RAD54B: variants seen among roughly 807,000 people sequenced by gnomAD.
The protein encoded by RAD54B is RAD54 homolog B.
In RAD54B, 78 loss-of-function variants were observed where a neutral mutation model predicts 95.8. The observed-to-expected ratio is 0.81, with a 90% CI of 0.68 to 0.98. The LOEUF is 0.98. RAD54B is among the 50% of genes least tolerant of loss of function. The probability of loss-of-function intolerance (pLI) is 0.00; values close to 1 mark genes in which losing one functional copy is unlikely to be tolerated. For synonymous variants in RAD54B, 328 were observed against 354.9 expected (o/e 0.92, Z 0.85); for missense variants, 957 against 1,056.6 (o/e 0.91, Z 1.31).
chr8:94,459,277 C>T (rs1441935398), intron 2 of RAD54B, among the ~76,000 whole-genome samples: 2 of 151,684 alleles, frequency 1.3e-5, no homozygotes, highest in East Asian at 3.9e-4. Context: ...CTCAGCCTCC[C>T]TAGTAGCTGG....
intron 3 of RAD54B, among the ~76,000 whole-genome samples, chr8:94,418,344 T>C (rs1412779380): frequency 2.0e-5 from 3 of 152,210 alleles, no homozygotes; most frequent in African/African-American, 4.8e-5. Context: ...TGACAAATTT[T>C]TCTCCACGAA....
At chr8:94,436,582 T>C (rs1412175168) in intron 3 of RAD54B, 12 of 1,550,404 alleles carry the variant, frequency 7.7e-6, no homozygotes, top group East Asian at 4.9e-5. Flanking sequence ...CTCAGAAATA[T>C]TGCTTTTAAA....
At chr8:94,461,866 C>T (rs1329836239) in intron 2 of RAD54B, among the ~76,000 whole-genome samples, 1 of 152,150 alleles carries the variant, frequency 6.6e-6, no homozygotes, top group African/African-American at 2.4e-5. Context: ...GATTATTTAA[C>T]ACTGGTATAA....
Position 94,383,140 on chromosome 8 carries a change from T to TA in RAD54B, c.1986-2735dup, listed in dbSNP as rs1029664775. Among the ~76,000 whole-genome samples, 16 of 151,048 alleles carry TA rather than the reference T, an allele frequency of 1.1e-4. No individual in the cohort carries two copies. In the East Asian group the frequency reaches 2.5e-3, roughly 24 times the overall value. ...GGTGAAACTCCATCTCTACTAAAAATAAAAAAAATTAGCATCCCCCTGTAA... is the reference window on the plus strand; with the variant it reads ...GGTGAAACTCCATCTCTACTAAAAATAAAAAAAAATTAGCATCCCCCTGTAA... On this transcript the variant is annotated intron_variant, in intron 11 of 14. Coordinates refer to ENST00000336148, the MANE Select transcript of RAD54B (RefSeq NM_012415.3).
At chr8:94,449,120 C>T (rs377496913) in intron 3 of RAD54B, among the ~76,000 whole-genome samples, 1 of 151,722 alleles carries the variant, frequency 6.6e-6, no homozygotes, top group African/African-American at 2.4e-5. Context: ...CAGGTATGCA[C>T]AATAAAATTT....
At chr8:94,424,417 T>A (rs763659851) in intron 3 of RAD54B, among the ~76,000 whole-genome samples, 2 of 152,198 alleles carry the variant, frequency 1.3e-5, no homozygotes, top group Non-Finnish European at 2.9e-5. Flanking sequence ...TCCCTTAATG[T>A]TTACACCATC....
At chr8:94,468,867 T>C (rs1813096801) in intron 1 of RAD54B, among the ~76,000 whole-genome samples, 1 of 151,370 alleles carries the variant, frequency 6.6e-6, no homozygotes, top group African/African-American at 2.4e-5. Context: ...TGCATGCCTG[T>C]AGTCTCAGCT....
intron 11 of RAD54B, among the ~76,000 whole-genome samples, chr8:94,385,463 CT>C (rs1810865821): frequency 6.6e-6 from 1 of 152,004 alleles, no homozygotes; most frequent in Non-Finnish European, 1.5e-5. Context: ...CTCACATGCC[CT>C]TTTGCACATA....
chr8:94,444,688 T>C (rs935407617), intron 3 of RAD54B, among the ~76,000 whole-genome samples: 3 of 152,226 alleles, frequency 2.0e-5, no homozygotes, highest in African/African-American at 7.2e-5. Context: ...CTCCAGTCTG[T>C]CTGGAGAAGT....
At chr8:94,394,623 A>G (rs1811099484) in intron 8 of RAD54B, among the ~76,000 whole-genome samples, 1 of 152,152 alleles carries the variant, frequency 6.6e-6, no homozygotes, top group Non-Finnish European at 1.5e-5. Context: ...GGATTCATAT[A>G]CCTTCTATAT....
chr8:94,385,106 A>G (rs1810838396), intron 11 of RAD54B, among the ~76,000 whole-genome samples: 1 of 152,192 alleles, frequency 6.6e-6, no homozygotes, highest in Non-Finnish European at 1.5e-5. Flanking sequence ...CTATCTCAAG[A>G]TAAAGAGAAA....
intron 5 of RAD54B, among the ~76,000 whole-genome samples, chr8:94,405,320 C>T (rs926547501): frequency 6.6e-6 from 1 of 151,844 alleles, no homozygotes; most frequent in Non-Finnish European, 1.5e-5. Context: ...TGCATGCCTA[C>T]ATCATGTTTA....
chr8:94,442,197 A>G (rs1812411953), intron 3 of RAD54B, among the ~76,000 whole-genome samples: 1 of 152,062 alleles, frequency 6.6e-6, no homozygotes. Context: ...GGTGAATCTC[A>G]TGGAAGTAGA....
chr8:94,374,002 G>A (rs987337177), intron 14 of RAD54B, among the ~76,000 whole-genome samples: 5 of 152,248 alleles, frequency 3.3e-5, no homozygotes, highest in South Asian at 2.1e-4. Flanking sequence ...TGACAAGGCC[G>A]GGCGCAGTGG....
chr8:94,446,176 T>C (rs1812515712), intron 3 of RAD54B, among the ~76,000 whole-genome samples: 1 of 152,180 alleles, frequency 6.6e-6, no homozygotes, highest in Non-Finnish European at 1.5e-5. Flanking sequence ...ATAAATTAGA[T>C]ATAATAGTAA....
At chr8:94,396,323 T>C (rs1487540004) in intron 8 of RAD54B, among the ~76,000 whole-genome samples, 1 of 151,408 alleles carries the variant, frequency 6.6e-6, no homozygotes, top group Non-Finnish European at 1.5e-5. Flanking sequence ...TTCAAGAGTA[T>C]GGGAAAGAAA....
At chr8:94,455,916 G>T (rs927344595) in intron 3 of RAD54B, among the ~76,000 whole-genome samples, 2 of 152,072 alleles carry the variant, frequency 1.3e-5, no homozygotes, top group African/African-American at 4.8e-5. Flanking sequence ...CATCTGCAAA[G>T]ACCCTATTTC....
chr8:94,419,314 C>T (rs920878240), intron 3 of RAD54B, among the ~76,000 whole-genome samples: 5 of 152,116 alleles, frequency 3.3e-5, no homozygotes, highest in Admixed American at 2.0e-4. Context: ...TCGAGACCAG[C>T]CTGACCAACA....
In RAD54B at chr8:94,387,159, C is replaced by T. The variant is rs546052522; in HGVS notation, c.1810G>A (p.Glu604Lys). ...TCACAAGTTGAGCTACATTCCTTTTCCTATTCAAAATGATGATTGTTAATG... is the reference window on the plus strand; with the variant it reads ...TCACAAGTTGAGCTACATTCCTTTTTCTATTCAAAATGATGATTGTTAATG... The part of the protein sequence containing the change: ...HPCLLFNSIK[E>K]KECSSTCDKN... The change falls in exon 11 of 15, where the codon GAA (glutamate) becomes AAA (lysine). Residue 604 changes from glutamate to lysine, a missense_variant and splice_region_variant. By Grantham distance (56) the Glu-to-Lys change is moderately conservative (BLOSUM62 1). Coordinates refer to ENST00000336148, the MANE Select transcript of RAD54B (RefSeq NM_012415.3). 7.0e-6 allele frequency: 11 copies of T among 1,573,368 alleles called. No individual in the cohort carries two copies. In the South Asian group the frequency reaches 1.2e-4, roughly 17 times the overall value.
Sources: allele counts gnomAD v4.1 joint callset (sites outside exome capture counted in the v4.1 genomes callset), GRCh38; gene constraint gnomAD v4.1.1; transcripts MANE v1.5; gene names NCBI Gene and HGNC (gene_info 2026-07-23, HGNC 2026-07-21).